UNC5B: variants seen among roughly 807,000 people sequenced by gnomAD.
UNC5B encodes the protein netrin receptor UNC5B.
In UNC5B, 56 loss-of-function variants were observed where a neutral mutation model predicts 103.7. The ratio of observed to expected loss-of-function variants is 0.54; its 90% CI spans 0.44 to 0.67. The LOEUF is 0.67. UNC5B is among the 30% of genes least tolerant of loss of function. UNC5B has a pLI of 0.00. For synonymous variants in UNC5B, 577 were observed against 542.0 expected (o/e 1.06, Z -0.90); for missense variants, 1,194 against 1,284.5 (o/e 0.93, Z 1.08).
rs1845589484 is a variant in UNC5B, at chr10:71,301,836, T to G, written c.*2559T>G. 1 of 152,234 alleles carries G rather than the reference T, an allele frequency of 6.6e-6. No individual in the cohort carries two copies. The highest frequency in any genetic ancestry group is 2.1e-4 in the South Asian group (1 of 4,826). The allele number at this position is 152,234 out of a possible 1,614,324, so 9.4% of individuals were successfully genotyped here. On this transcript the variant is annotated 3_prime_UTR_variant, in exon 17 of 17. Coordinates refer to ENST00000335350, the MANE Select transcript of UNC5B (RefSeq NM_170744.5). ...TGGGTTCAGACACACTGTTCTAGGC[T>G]TCTGTAGGGGACCTTGTGATCTGCC...
At position 71,279,878 on chromosome 10, in the gene UNC5B, C is replaced by G; in HGVS notation, c.137C>G (p.Pro46Arg). ...TCCTTCCCGTCAGCGCCAGCAGAGC[C>G]GCTGCCCTACTTCCTGCAGGAGCCA... ...PDSFPSAPAE[P>R]LPYFLQEPQD... Residue 46 changes from proline (P) to arginine (R), a missense_variant, in exon 2 of 17, where the codon CCG becomes CGG. By Grantham distance (103) the Pro-to-Arg change is moderately radical. Coordinates refer to ENST00000335350, the MANE Select transcript of UNC5B (RefSeq NM_170744.5). 6.2e-7 allele frequency: 1 copy of G among 1,613,962 alleles called. No individual in the cohort carries two copies. The highest frequency in any genetic ancestry group is 8.5e-7 in the Non-Finnish European group (1 of 1,179,982).
chr10:71,253,399 C>A (rs1480497872), intron 1 of UNC5B, among the ~76,000 whole-genome samples: 1 of 152,266 alleles, frequency 6.6e-6, no homozygotes, highest in Non-Finnish European at 1.5e-5. Context: ...GGAGCAGCAG[C>A]AGTGCAGCTT....
In UNC5B at chr10:71,213,061, G is replaced by A; in HGVS notation, c.76G>A (p.Ala26Thr). The A allele has an allele frequency of 7.2e-7, 1 of 1,394,682 alleles. No individual in the cohort carries two copies. The highest frequency in any genetic ancestry group is 9.4e-7 in the Non-Finnish European group (1 of 1,067,380). The allele number at this position is 1,394,682 out of a possible 1,614,324, so 86.4% of individuals were successfully genotyped here. ...CTGCTGGGACCCGAGGCTGAGCCAA[G>A]CAGGTAGGAAGCGATCGGGTCTGGG... is the stretch of plus-strand genomic sequence containing the variant. ...LLCWDPRLSQ[A>T]GTDSGSEVLP... Residue 26 changes from alanine to threonine, a missense_variant, in exon 1 of 17, where the codon GCA becomes ACA. Ala to Thr is a moderately conservative substitution (Grantham distance 58). Transcript: ENST00000335350. This position sits in a 1 kb window ranked among gnomAD's most constrained non-coding sequence, Gnocchi z 4.1.
intron 1 of UNC5B, among the ~76,000 whole-genome samples, chr10:71,276,187 A>C (rs1372062364): frequency 3.3e-5 from 5 of 152,138 alleles, no homozygotes; most frequent in South Asian, 4.1e-4. Context: ...GCTTAAAAAA[A>C]ATTACTGAGG....
At chr10:71,270,340 AAGGGAGGGAGGG>A (rs776665500) in intron 1 of UNC5B, among the ~76,000 whole-genome samples, 14 of 82,506 alleles carry the variant, frequency 1.7e-4, no homozygotes, top group East Asian at 7.8e-4. Context: ...GACTCTGCGG[AAGGGAGGGAGGG>A]AGGGAGGGAG....
chr10:71,229,578 C>T (rs1052424011), intron 1 of UNC5B, among the ~76,000 whole-genome samples: 1 of 152,212 alleles, frequency 6.6e-6, no homozygotes, highest in African/African-American at 2.4e-5. Context: ...CTTCCCATCA[C>T]GGCCCACTGG....
chr10:71,231,810 G>C (rs1257655403), intron 1 of UNC5B, among the ~76,000 whole-genome samples: 1 of 152,100 alleles, frequency 6.6e-6, no homozygotes, highest in Non-Finnish European at 1.5e-5. Context: ...AACCTTAGCT[G>C]GACAATGGGA....
At chr10:71,241,078 G>C (rs181451605) in intron 1 of UNC5B, among the ~76,000 whole-genome samples, 51 of 152,292 alleles carry the variant, frequency 3.3e-4, no homozygotes, top group Non-Finnish European at 6.6e-4. Context: ...TACTTGTATT[G>C]ACCCTATTCA....
Position 71,249,632 on chromosome 10 carries a change from A to C in UNC5B, c.80-30189A>C, listed in dbSNP as rs532331761. ...TCTAACTCCAGGAGAGTCCCCTGGC[A>C]TGGTCCCTGGCTCCTCCTACCACCC... On this transcript the variant is annotated intron_variant, in intron 1 of 16. Coordinates refer to ENST00000335350, the MANE Select transcript of UNC5B (RefSeq NM_170744.5). 2.6e-5 allele frequency among the ~76,000 whole-genome samples: 4 copies of C among 152,230 alleles called. 1 individual carries two copies. The South Asian group carries it at 8.3e-4, about 32-fold the overall frequency.
intron 1 of UNC5B, among the ~76,000 whole-genome samples, chr10:71,236,930 C>G (rs144081171): frequency 0.015 from 2,300 of 152,338 alleles, 231 homozygotes; most frequent in Admixed American, 0.14. Flanking sequence ...AGATGCATGC[C>G]CCTGAAGAGA....
Position 71,213,135 on chromosome 10 carries a change from G to A in UNC5B, c.79+71G>A. On this transcript the variant is annotated intron_variant, in intron 1 of 16. Coordinates refer to ENST00000335350, the MANE Select transcript of UNC5B (RefSeq NM_170744.5). This position sits in a 1 kb window ranked among gnomAD's most constrained non-coding sequence, Gnocchi z 4.1. ...CGCCTCACTCTGTCCTGAAGTTGAG[G>A]TGGTCTTTCGTCGCATCGATGCGCG... is the stretch of plus-strand genomic sequence containing the variant. 8.6e-7 allele frequency: 1 copy of A among 1,167,600 alleles called. No individual in the cohort carries two copies. Among genetic ancestry groups the A allele is most frequent in the Non-Finnish European group, 1.1e-6 (1 of 923,598 alleles). 72.3% of individuals were successfully genotyped at this position (1,167,600 alleles called of 1,614,324 possible). A position where few individuals can be genotyped will look rare whatever the true frequency, so the allele number is the denominator to read the frequency against.
At chr10:71,234,292 G>A (rs989114607) in intron 1 of UNC5B, among the ~76,000 whole-genome samples, 2 of 152,176 alleles carry the variant, frequency 1.3e-5, no homozygotes, top group African/African-American at 4.8e-5. Context: ...CTTTTGCTGG[G>A]GCCCTCACGG....
intron 1 of UNC5B, 43 bp from the exon 2 acceptor site, chr10:71,279,778 C>G (rs1278137517): frequency 1.1e-5 from 17 of 1,582,752 alleles, no homozygotes; most frequent in Non-Finnish European, 1.4e-5. Flanking sequence ...CCACAGGGCC[C>G]TCCCAGCACA....
chr10:71,269,799 A>G (rs1020475281), intron 1 of UNC5B, among the ~76,000 whole-genome samples: 2 of 152,146 alleles, frequency 1.3e-5, no homozygotes, highest in South Asian at 2.1e-4. Context: ...GCCAAGAGAA[A>G]AAAAAAGGCA....
rs1843475007 is a variant in UNC5B at position 71,222,620 on chromosome 10, G to A, written c.79+9556G>A. On this transcript the variant is annotated intron_variant, in intron 1 of 16. Coordinates refer to ENST00000335350, the MANE Select transcript of UNC5B (RefSeq NM_170744.5). The stretch of plus-strand genomic sequence containing the variant: ...TCTGGGCAGAACAGTGGGACAGAGA[G>A]TCCCAAAGTGGCAGTTTCCAGGTTG... Among the ~76,000 whole-genome samples, 3 of 152,316 alleles carry A rather than the reference G, an allele frequency of 2.0e-5. No homozygotes were observed. In the South Asian group the frequency reaches 6.2e-4, roughly 32 times the overall value.
intron 1 of UNC5B, among the ~76,000 whole-genome samples, chr10:71,248,168 G>C (rs1844081685): frequency 6.6e-6 from 1 of 152,286 alleles, no homozygotes; most frequent in South Asian, 2.1e-4. Context: ...CCAGCTCTCA[G>C]CTCTTTGATA....
rs867207628 is a variant in UNC5B at position 71,212,596 on chromosome 10, A to C, written c.-390A>C. 10 of 158,504 alleles carry C rather than the reference A, an allele frequency of 6.3e-5. No individual in the cohort carries two copies. Among genetic ancestry groups the C allele is most frequent in the Middle Eastern group, 2.9e-3 (1 of 346 alleles). 9.8% of individuals were successfully genotyped at this position (158,504 alleles called of 1,614,324 possible). On this transcript the variant is annotated 5_prime_UTR_variant, in exon 1 of 17. Transcript: ENST00000335350. Reference sequence around the variant, plus strand: ...TTGTGGCAGGCGGCTGGGGCCGGCTAGGGCGCCGGAGCCGCACGCAGCCGC... The same window carrying C: ...TTGTGGCAGGCGGCTGGGGCCGGCTCGGGCGCCGGAGCCGCACGCAGCCGC...
chr10:71,245,969 G>A (rs1190070695), intron 1 of UNC5B, among the ~76,000 whole-genome samples: 1 of 152,208 alleles, frequency 6.6e-6, no homozygotes, highest in Admixed American at 6.5e-5. Context: ...GGGCGTCATG[G>A]CTCCCTCCTC....
chr10:71,238,639 G>T (rs1843823617), intron 1 of UNC5B, among the ~76,000 whole-genome samples: 1 of 152,094 alleles, frequency 6.6e-6, no homozygotes, highest in African/African-American at 2.4e-5. Context: ...ATTTTTAGTA[G>T]AGATGGGGTT....
Sources: allele counts gnomAD v4.1 joint callset (sites outside exome capture counted in the v4.1 genomes callset), GRCh38; gene constraint gnomAD v4.1.1; non-coding constraint Gnocchi (gnomAD v3.1); transcripts MANE v1.5; gene names NCBI Gene and HGNC (gene_info 2026-07-23, HGNC 2026-07-21).